Variants in NACAD observed in about 807,000 individuals in gnomAD.
NACAD encodes the protein NAC-alpha domain-containing protein 1.
NACAD carries 47 observed loss-of-function variants against 98.9 expected under a neutral mutation model. The observed-to-expected ratio is 0.48, with a 90% CI of 0.38 to 0.61. The LOEUF (loss-of-function observed/expected upper bound fraction) is 0.61, where lower values mean the gene tolerates loss of function less well. Among genes scored for constraint, NACAD ranks in the 20% least tolerant of loss-of-function variants. NACAD has a pLI of 0.00. For missense variants in NACAD, 1,412 were observed against 1,748.2 expected (o/e 0.81, Z 3.43); for synonymous variants, 696 against 767.2 (o/e 0.91, Z 1.53).
Position 45,085,496 on chromosome 7 carries a change from C to A in NACAD, c.684G>T (p.Trp228Cys), listed in dbSNP as rs376120549. 8.4e-6 allele frequency: 13 copies of A among 1,550,606 alleles called. No individual in the cohort carries two copies. In the South Asian group the frequency reaches 1.4e-4, roughly 17 times the overall value. ...TGAGGGAACAGGAGGGTGAAGAGGC[C>A]CAGCTGTCCCCATCGGCCGTAATGT... ...GSYITADGDS[W>C]ASSPSCSLSL... Residue 228 changes from tryptophan (W) to cysteine (C), a missense_variant, in exon 2 of 8, where the codon TGG becomes TGT. This residue lies in a region of NACAD where 638 missense variants were observed against 722.7 expected (regional missense o/e 0.88). Transcript: ENST00000490531. The surrounding 1 kb of genome is among the most constrained non-coding windows in gnomAD (Gnocchi z 6.1).
rs1428587245 is a variant in NACAD, at chr7:45,086,109, A to T, written c.71T>A (p.Leu24Gln). The T allele has an allele frequency of 2.6e-6, 4 of 1,535,372 alleles. No individual in the cohort carries two copies. Among genetic ancestry groups the T allele is most frequent in the African/African-American group, 1.4e-5 (1 of 73,020 alleles). Residue 24 changes from leucine to glutamine, a missense_variant, in exon 2 of 8, where the codon CTG becomes CAG. Coordinates refer to ENST00000490531, the MANE Select transcript of NACAD (RefSeq NM_001146334.2). ...GGTGGCAGCGGCCGCATCGCAGGACAGATCTGTGGAGATAGAGAAGATCAT... is the reference window on the plus strand; with the variant it reads ...GGTGGCAGCGGCCGCATCGCAGGACTGATCTGTGGAGATAGAGAAGATCAT... ...EADRPGPRTD[L>Q]SCDAAAATTI... is the part of the protein sequence containing the mutation.
chr7:45,081,708 G>A (rs995286917), intron 3 of NACAD, 36 bp from the exon 4 acceptor site: 1 of 1,551,270 alleles, frequency 6.4e-7, no homozygotes, highest in Non-Finnish European at 8.7e-7. Flanking sequence ...CCATGGGTGG[G>A]GTGTGGGGCC....
In NACAD at chr7:45,084,621, G is replaced by A. The variant is rs1405792735; in HGVS notation, c.1559C>T (p.Ala520Val). 5.2e-6 allele frequency: 8 copies of A among 1,551,684 alleles called. No individual in the cohort carries two copies. The East Asian group carries it at 2.0e-4, about 38-fold the overall frequency. ...GGAGGGCTGAGGCATTGCCATGGCA[G>A]CAGATTCTTGTCCAGCGGTGGAGTC... ...ETDSTAGQES[A>V]AMAMPQPSQE... is the part of the protein sequence containing the mutation. The change falls in exon 2 of 8, where the codon GCT (alanine) becomes GTT (valine). Residue 520 changes from alanine (A) to valine (V), a missense_variant. Coordinates refer to ENST00000490531, the MANE Select transcript of NACAD (RefSeq NM_001146334.2).
chr7:45,085,317 C>G lies in NACAD; in HGVS notation c.863G>C (p.Trp288Ser), dbSNP rs769935930. 81 of 1,550,938 alleles carry G rather than the reference C, an allele frequency of 5.2e-5. 1 individual carries two copies. In the South Asian group the frequency reaches 6.5e-4, roughly 13 times the overall value. ...SSLSADSSSS[W>S]GQEGHFFDLD... ...GTCGAAGAAGTGGCCCTCCTGGCCC[C>G]AGGAGGAGCTGCTGTCTGCAGAGAG... The change falls in exon 2 of 8, where the codon TGG becomes TCG. Residue 288 changes from tryptophan (W) to serine (S), a missense_variant. Trp to Ser is a radical substitution (Grantham distance 177). Coordinates refer to ENST00000490531, the MANE Select transcript of NACAD (RefSeq NM_001146334.2). This position sits in a 1 kb window ranked among gnomAD's most constrained non-coding sequence, Gnocchi z 6.1.
chr7:45,080,874 ACCTCTTCCTCCTCCT>A lies in NACAD; in HGVS notation c.4538_4551+1del. ...CGAGGCCCTGGAGCCCCTGCACTTC[ACCTCTTCCTCCTCCT>A]CCTCTTCCTCTTCCTTGCACTCCAG... is the stretch of plus-strand genomic sequence containing the variant. On this transcript the variant is annotated splice_donor_variant and coding_sequence_variant, in exon 6 of 8. Coordinates refer to ENST00000490531, the MANE Select transcript of NACAD (RefSeq NM_001146334.2). LOFTEE classifies it high-confidence loss of function. The A allele has an allele frequency of 6.4e-7, 1 of 1,555,166 alleles. No individual in the cohort carries two copies. Among genetic ancestry groups the A allele is most frequent in the Non-Finnish European group, 8.7e-7 (1 of 1,149,512 alleles).
Position 45,083,406 on chromosome 7 carries a change from G to C in NACAD, c.2774C>G (p.Pro925Arg). 6.4e-7 allele frequency: 1 copy of C among 1,551,002 alleles called. No homozygotes were observed. The highest frequency in any genetic ancestry group is 2.0e-5 in the Admixed American group (1 of 51,012). Residue 925 changes from proline (P) to arginine (R), a missense_variant, in exon 2 of 8, where the codon CCT (proline) becomes CGT (arginine). Pro to Arg is a moderately radical substitution (Grantham distance 103). This residue lies in a region of NACAD where 572 missense variants were observed against 639.6 expected (regional missense o/e 0.89). Coordinates refer to ENST00000490531, the MANE Select transcript of NACAD (RefSeq NM_001146334.2). Reference sequence around the variant, plus strand: ...GGGGCCTGTGTCTTGCAGAGGCAGAGGTGCTGTCATAGCGGAGTCCTGGGG... The same window carrying C: ...GGGGCCTGTGTCTTGCAGAGGCAGACGTGCTGTCATAGCGGAGTCCTGGGG... ...TLPQDSAMTA[P>R]LPLQDTGPTS... is the part of the protein sequence containing the mutation.
At position 45,088,029 on chromosome 7, in the gene NACAD, T is replaced by G. The variant is rs1784547896; in HGVS notation, c.67+799A>C. ...CCCACCTAGAGCAGAGGCAGCAGCC[T>G]GTGTCACCCCAAACCAGGCCCCAGG... On this transcript the variant is annotated intron_variant, in intron 1 of 7. Coordinates refer to ENST00000490531, the MANE Select transcript of NACAD (RefSeq NM_001146334.2). The surrounding 1 kb of genome is among the most constrained non-coding windows in gnomAD (Gnocchi z 5.7). Among the ~76,000 whole-genome samples, 1 of 152,120 alleles carries G rather than the reference T, an allele frequency of 6.6e-6. No homozygotes were observed. The highest frequency in any genetic ancestry group is 6.5e-5 in the Admixed American group (1 of 15,286).
chr7:45,085,632 G>A lies in NACAD; in HGVS notation c.548C>T (p.Thr183Ile). The change falls in exon 2 of 8, where the codon ACC becomes ATC. Residue 183 changes from threonine to isoleucine, a missense_variant. Physicochemically the swap from Thr to Ile is moderately conservative, Grantham distance 89 (BLOSUM62 -1). Around this residue, in one of 5 missense-constraint regions of NACAD, gnomAD observed 638 missense variants for 722.7 expected, o/e 0.88. Transcript: ENST00000490531. This position sits in a 1 kb window ranked among gnomAD's most constrained non-coding sequence, Gnocchi z 6.1. ...ACAGGCAGGAAGCAGGGCATAGGTG[G>A]TCTTGGTGGGGGTGGAGGGAGGCGT... ...FFTPPSTPTK[T>I]TYALLPACGP... is the part of the protein sequence containing the mutation. 1 of 1,548,866 alleles carries A rather than the reference G, an allele frequency of 6.5e-7. No individual in the cohort carries two copies. Among genetic ancestry groups the A allele is most frequent in the Non-Finnish European group, 8.7e-7 (1 of 1,146,034 alleles).
At position 45,088,682 on chromosome 7, in the gene NACAD, G is replaced by GT; in HGVS notation, c.67+145_67+146insA. 2 of 564,306 alleles carry GT rather than the reference G, an allele frequency of 3.5e-6. No individual in the cohort carries two copies. Among genetic ancestry groups the GT allele is most frequent in the Non-Finnish European group, 5.5e-6 (2 of 366,092 alleles). The allele number at this position is 564,306 out of a possible 1,614,324, so 35.0% of individuals were successfully genotyped here. ...GAGAGGCGGTAGCAGGGTTCAGATG[G>GT]AGGGAAGGACAGGGCGCGGAAAGGG... On this transcript the variant is annotated intron_variant, in intron 1 of 7. Transcript: ENST00000490531. The surrounding 1 kb of genome is among the most constrained non-coding windows in gnomAD (Gnocchi z 5.7).
intron 1 of NACAD, among the ~76,000 whole-genome samples, chr7:45,086,584 G>A (rs11761702): frequency 0.13 from 20,449 of 152,246 alleles, 1,691 homozygotes; most frequent in Middle Eastern, 0.21. Context: ...CACGACGCGC[G>A]CAGCTCGAAC....
In NACAD at chr7:45,081,047, C is replaced by T. The variant is rs368004732; in HGVS notation, c.4405-25G>A. On this transcript the variant is annotated intron_variant, in intron 5 of 7. Coordinates refer to ENST00000490531, the MANE Select transcript of NACAD (RefSeq NM_001146334.2). The stretch of plus-strand genomic sequence containing the variant: ...TCTGCAAAATGGAAGACAGCTGTGT[C>T]AGTAGAGCCTGTCCCCCCCTTGTCC... The T allele has an allele frequency of 2.7e-4, 417 of 1,550,956 alleles. 1 individual carries two copies. In the African/African-American group the frequency reaches 5.0e-3, roughly 19 times the overall value.
chr7:45,081,914 C>G (rs531908071), intron 2 of NACAD, 47 bp from the exon 3 acceptor site: 2 of 1,518,722 alleles, frequency 1.3e-6, no homozygotes, highest in African/African-American at 1.4e-5. Flanking sequence ...TTCTAGGTGG[C>G]GGGGAAGGGG....
At position 45,085,944 on chromosome 7, in the gene NACAD, G is replaced by A. The variant is rs1784516653; in HGVS notation, c.236C>T (p.Ala79Val). 2 of 1,536,778 alleles carry A rather than the reference G, an allele frequency of 1.3e-6. No individual in the cohort carries two copies. Among genetic ancestry groups the A allele is most frequent in the Non-Finnish European group, 1.8e-6 (2 of 1,140,608 alleles). ...CCCTGGGTCCGCCCAGGCCGAGGGT[G>A]CCCCACCAGGCCCTGCATCCCAGCT... ...GASWDAGPGG[A>V]PSAWADPGEG... Residue 79 changes from alanine to valine, a missense_variant, in exon 2 of 8, where the codon GCA becomes GTA. Coordinates refer to ENST00000490531, the MANE Select transcript of NACAD (RefSeq NM_001146334.2). The surrounding 1 kb of genome is among the most constrained non-coding windows in gnomAD (Gnocchi z 6.1).
rs1249739800 is a variant in NACAD at position 45,082,781 on chromosome 7, G to A, written c.3399C>T (p.Ser1133=). The A allele has an allele frequency of 1.3e-6, 2 of 1,549,488 alleles. No homozygotes were observed. The change falls in exon 2 of 8, where the codon TCC becomes TCT. Residue 1133 remains serine, a synonymous_variant. Transcript: ENST00000490531. The surrounding 1 kb of genome is among the most constrained non-coding windows in gnomAD (Gnocchi z 4.5). ...AREERGLSGK[S]TPEPTLPSAV... ...CTGAGGGAAGCGTGGGCTCCGGGGT[G>A]GACTTGCCACTCAGGCCTCTTTCCT...
Position 45,088,570 on chromosome 7 carries a change from T to G in NACAD, c.67+258A>C, listed in dbSNP as rs1335259224. On this transcript the variant is annotated intron_variant, in intron 1 of 7. Coordinates refer to ENST00000490531, the MANE Select transcript of NACAD (RefSeq NM_001146334.2). The surrounding 1 kb of genome is among the most constrained non-coding windows in gnomAD (Gnocchi z 5.7). ...GGCGGGATGCGAGCCCCACGATCCC[T>G]GGGTCGGAAGCCAAGGGCTTAAGCC... 6.6e-6 allele frequency among the ~76,000 whole-genome samples: 1 copy of G among 152,216 alleles called. No individual in the cohort carries two copies. The highest frequency in any genetic ancestry group is 2.4e-5 in the African/African-American group (1 of 41,458).
chr7:45,085,793 G>A lies in NACAD; in HGVS notation c.387C>T (p.Leu129=), dbSNP rs1390301737. 5 of 1,542,422 alleles carry A rather than the reference G, an allele frequency of 3.2e-6. No individual in the cohort carries two copies. In the East Asian group the frequency reaches 9.8e-5, roughly 30 times the overall value. ...CTGTCCGGGCAGCTCTGGGTGACAG[G>A]AGGGCCTGGCACGTCTCCTCTCCCA... The part of the protein sequence containing the change: ...IVMGEETCQA[L]LSPRAARTAL... The change falls in exon 2 of 8, where the codon CTC becomes CTT. Residue 129 remains leucine, a synonymous_variant. Coordinates refer to ENST00000490531, the MANE Select transcript of NACAD (RefSeq NM_001146334.2). This position sits in a 1 kb window ranked among gnomAD's most constrained non-coding sequence, Gnocchi z 6.1.
At chr7:45,081,317 G>A (rs1004926072) in intron 4 of NACAD, 54 bp from the exon 5 acceptor site, 2 of 1,537,928 alleles carry the variant, frequency 1.3e-6, no homozygotes, top group East Asian at 2.4e-5. Flanking sequence ...CACGTCGGGG[G>A]AGGAGAGCAG....
Position 45,080,768 on chromosome 7 carries a change from G to A in NACAD, c.4552-6C>T, listed in dbSNP as rs1784416445. ...TCCAGCCCCGCCTCGTCCACCTGGA[G>A]TTGGGGGAGCAGGGAAGTGGCTGGA... On this transcript the variant is annotated splice_region_variant and splice_polypyrimidine_tract_variant and intron_variant, in intron 6 of 7. Coordinates refer to ENST00000490531, the MANE Select transcript of NACAD (RefSeq NM_001146334.2). The A allele has an allele frequency of 6.4e-7, 1 of 1,550,844 alleles. No individual in the cohort carries two copies. The highest frequency in any genetic ancestry group is 8.7e-7 in the Non-Finnish European group (1 of 1,146,970).
chr7:45,086,298 A>G (rs1784522319), intron 1 of NACAD, among the ~76,000 whole-genome samples, 186 bp from the exon 2 acceptor site: 2 of 152,220 alleles, frequency 1.3e-5, no homozygotes, highest in African/African-American at 2.4e-5. Flanking sequence ...TTGACAGCAG[A>G]GAGCAGATGC....
Sources: gnomAD v4.1 joint callset for allele counts (sites outside exome capture counted in the v4.1 genomes callset) on GRCh38, gnomAD v4.1.1 for gene constraint, gnomAD v4.1.1 regional missense constraint, Gnocchi (gnomAD v3.1) non-coding constraint, MANE v1.5 for transcripts, NCBI Gene and HGNC (gene_info 2026-07-23, HGNC 2026-07-21) for gene names.